The following RIMBP2 variants were observed in gnomAD, a reference collection of about 807,000 sequenced individuals.
RIMBP2 encodes the protein RIMS binding protein 2, also known as RIMS-binding protein 2.
Under a neutral mutation model 118.6 loss-of-function variants are expected in RIMBP2, and 48 were observed. The ratio of observed to expected loss-of-function variants is 0.40; its 90% CI spans 0.32 to 0.51. The LOEUF (loss-of-function observed/expected upper bound fraction) is 0.51. Among genes scored for constraint, RIMBP2 ranks in the 20% least tolerant of loss-of-function variants. RIMBP2 has a pLI of 0.41. For synonymous variants in RIMBP2, 762 were observed against 742.9 expected, an observed-to-expected ratio of 1.03 and a Z score of -0.42; for missense variants, 1,551 against 1,768.3, an observed-to-expected ratio of 0.88 and a Z score of 2.20.
chr12:130,715,605 C>T (rs1016911939), intron 1 of RIMBP2, among the ~76,000 whole-genome samples: 1 of 152,244 alleles, frequency 6.6e-6, no homozygotes, highest in Non-Finnish European at 1.5e-5. Flanking sequence ...CACGCACACA[C>T]TCTGCCGGGG....
At chr12:130,493,027 G>C (rs12307031) in intron 4 of RIMBP2, among the ~76,000 whole-genome samples, 12,616 of 152,086 alleles carry the variant, frequency 0.083, 797 homozygotes, top group East Asian at 0.19. Context: ...GCTATTCAGG[G>C]GACTGGGGCT....
At chr12:130,671,414 T>C (rs551829892) in intron 1 of RIMBP2, among the ~76,000 whole-genome samples, 5 of 152,320 alleles carry the variant, frequency 3.3e-5, no homozygotes, top group Non-Finnish European at 7.3e-5. Flanking sequence ...TTTCCCTTAT[T>C]GCACAAACTA....
At chr12:130,457,267 A>G (rs1414341642) in intron 6 of RIMBP2, among the ~76,000 whole-genome samples, 1 of 152,160 alleles carries the variant, frequency 6.6e-6, no homozygotes. Flanking sequence ...AGGACTCTCT[A>G]TCTGCTATGT....
At chr12:130,562,123 C>T (rs2056868000) in intron 2 of RIMBP2, among the ~76,000 whole-genome samples, 1 of 152,046 alleles carries the variant, frequency 6.6e-6, no homozygotes, top group African/African-American at 2.4e-5. Flanking sequence ...AATATATATC[C>T]ATCACTCTTT....
intron 2 of RIMBP2, among the ~76,000 whole-genome samples, chr12:130,526,622 T>C (rs2052817410): frequency 6.6e-6 from 1 of 152,232 alleles, no homozygotes; most frequent in Non-Finnish European, 1.5e-5. Flanking sequence ...CCTTATGTTT[T>C]AGAAAAGCCA....
At chr12:130,587,455 T>A (rs2058970849) in intron 2 of RIMBP2, among the ~76,000 whole-genome samples, 1 of 78,570 alleles carries the variant, frequency 1.3e-5, no homozygotes, top group Non-Finnish European at 2.5e-5. Context: ...ATAGACTGGA[T>A]TAAGAAAATG....
At chr12:130,707,544 G>A (rs1162182135) in intron 1 of RIMBP2, among the ~76,000 whole-genome samples, 2 of 152,194 alleles carry the variant, frequency 1.3e-5, no homozygotes, top group African/African-American at 2.4e-5. Context: ...CATGAAGGAG[G>A]AAGAGCTGGC....
chr12:130,563,869 G>A (rs946615703), intron 2 of RIMBP2, among the ~76,000 whole-genome samples: 3 of 152,162 alleles, frequency 2.0e-5, no homozygotes, highest in South Asian at 2.1e-4. Flanking sequence ...ATCCTGCAGT[G>A]GTTTTCCGTT....
At chr12:130,584,226 TCACTTCACCAC>T in intron 2 of RIMBP2, among the ~76,000 whole-genome samples, 1 of 34,612 alleles carries the variant, frequency 2.9e-5, no homozygotes, top group Non-Finnish European at 7.9e-5. Flanking sequence ...ACCACCACCA[TCACTTCACCAC>T]CACCATCACC....
chr12:130,635,506 C>T (rs1417587794), intron 1 of RIMBP2, among the ~76,000 whole-genome samples: 1 of 152,150 alleles, frequency 6.6e-6, no homozygotes, highest in Non-Finnish European at 1.5e-5. Flanking sequence ...GGCACCTGCC[C>T]TGTGTCTGCA....
At chr12:130,616,133 C>A (rs1459359174) in intron 2 of RIMBP2, among the ~76,000 whole-genome samples, 2 of 152,166 alleles carry the variant, frequency 1.3e-5, no homozygotes, top group Admixed American at 6.5e-5. Flanking sequence ...CAGATCACAA[C>A]GTTCCGCCTG....
chr12:130,712,017 G>C (rs556071382), intron 1 of RIMBP2, among the ~76,000 whole-genome samples: 1 of 152,228 alleles, frequency 6.6e-6, no homozygotes, highest in Non-Finnish European at 1.5e-5. Context: ...AAGAGAGGCA[G>C]CGGAAGTAAG....
In RIMBP2 at chr12:130,523,601, G is replaced by C. The variant is rs1381662925; in HGVS notation, c.-216-5684C>G. The stretch of plus-strand genomic sequence containing the variant: ...CAATGGACAAGGTGGCCGCTTCTCT[G>C]GGGGAGAAACTGACAAGAGAAAGGA... On this transcript the variant is annotated intron_variant, in intron 2 of 22. Coordinates refer to ENST00000690449, the MANE Select transcript of RIMBP2 (RefSeq NM_001393629.1). The surrounding 1 kb of genome is among the most constrained non-coding windows in gnomAD (Gnocchi z 4.4). Among the ~76,000 whole-genome samples the C allele has an allele frequency of 2.0e-5, 3 of 152,228 alleles. No homozygotes were observed. Among genetic ancestry groups the C allele is most frequent in the Admixed American group, 6.5e-5 (1 of 15,282 alleles).
chr12:130,680,311 G>GT (rs2064717300), intron 1 of RIMBP2, among the ~76,000 whole-genome samples: 1 of 152,218 alleles, frequency 6.6e-6, no homozygotes, highest in African/African-American at 2.4e-5. Flanking sequence ...GACTTGGCTT[G>GT]TAAGAGTAAG....
intron 2 of RIMBP2, among the ~76,000 whole-genome samples, chr12:130,626,973 C>T (rs567693112): frequency 3.7e-4 from 56 of 152,182 alleles, no homozygotes; most frequent in African/African-American, 1.3e-3. Flanking sequence ...CCGCCAGCAT[C>T]ACCATCATCT....
At chr12:130,415,140 C>T (rs2076026070) in intron 17 of RIMBP2, among the ~76,000 whole-genome samples, 1 of 152,082 alleles carries the variant, frequency 6.6e-6, no homozygotes, top group Non-Finnish European at 1.5e-5. Flanking sequence ...AACACAGATG[C>T]AAAAATCCTC....
rs116322493 is a variant in RIMBP2 at position 130,607,986 on chromosome 12, G to A, written c.-217+20336C>T. ...TCCCCTGCAAAAGGACCTGCCAGAA[G>A]TTCCTGTCCCCCAACCTGGAAACTT... On this transcript the variant is annotated intron_variant, in intron 2 of 22. Transcript: ENST00000690449. 1.8e-3 allele frequency among the ~76,000 whole-genome samples: 274 copies of A among 152,262 alleles called. 1 individual carries two copies. Among genetic ancestry groups the A allele is most frequent in the African/African-American group, 6.4e-3 (264 of 41,552 alleles).
chr12:130,661,600 G>C (rs899779370), intron 1 of RIMBP2, among the ~76,000 whole-genome samples: 2 of 152,190 alleles, frequency 1.3e-5, no homozygotes, highest in Admixed American at 6.5e-5. Context: ...GGTGTGTGTA[G>C]CAGGCGTTAG....
intron 1 of RIMBP2, chr12:130,660,061 G>A (rs1173013744): frequency 7.1e-6 from 1 of 140,376 alleles, no homozygotes; most frequent in East Asian, 2.1e-4. Context: ...GGCTGGAGTA[G>A]TGGCACAATC....
Sources: allele counts gnomAD v4.1 joint callset (sites outside exome capture counted in the v4.1 genomes callset), GRCh38; gene constraint gnomAD v4.1.1; non-coding constraint Gnocchi (gnomAD v3.1); transcripts MANE v1.5; gene names NCBI Gene and HGNC (gene_info 2026-07-23, HGNC 2026-07-21).